MSI2: variants seen among roughly 807,000 people sequenced by gnomAD.
The protein encoded by MSI2 is RNA-binding protein Musashi homolog 2.
In MSI2, 17 loss-of-function variants were observed where a neutral mutation model predicts 45.6. That is an observed-to-expected ratio of 0.37 (90% CI 0.26 to 0.56). The LOEUF (loss-of-function observed/expected upper bound fraction) is 0.56. MSI2 is among the 20% of genes least tolerant of loss of function. The pLI is 0.77. For synonymous variants in MSI2, 156 were observed against 158.2 expected, an observed-to-expected ratio of 0.99 and a Z score of 0.11; for missense variants, 293 against 444.2, an observed-to-expected ratio of 0.66 and a Z score of 3.06.
chr17:57,665,591 T>G (rs1272611087), intron 11 of MSI2, among the ~76,000 whole-genome samples: 3 of 152,148 alleles, frequency 2.0e-5, no homozygotes, highest in African/African-American at 4.8e-5. Context: ...CTGGGATAAC[T>G]TCCCCACCCC....
chr17:57,308,783 C>A (rs554867317), intron 5 of MSI2, among the ~76,000 whole-genome samples: 1 of 152,268 alleles, frequency 6.6e-6, no homozygotes, highest in South Asian at 2.1e-4. Context: ...GAAGGTACAA[C>A]CCCCCTCATT....
chr17:57,599,546 ACTATGTC>A (rs1247311427), intron 8 of MSI2, among the ~76,000 whole-genome samples: 2 of 152,212 alleles, frequency 1.3e-5, no homozygotes, highest in Non-Finnish European at 2.9e-5. Flanking sequence ...GTGGAGGGTG[ACTATGTC>A]AGGTGCACGT....
At chr17:57,422,723 G>A (rs778230852) in intron 6 of MSI2, among the ~76,000 whole-genome samples, 4 of 152,216 alleles carry the variant, frequency 2.6e-5, no homozygotes, top group African/African-American at 4.8e-5. Context: ...GAGATGTGGC[G>A]CATTATATAA....
chr17:57,568,965 C>T (rs1414729813), intron 7 of MSI2, among the ~76,000 whole-genome samples: 3 of 152,142 alleles, frequency 2.0e-5, no homozygotes, highest in Non-Finnish European at 4.4e-5. Context: ...CCTGACCTAC[C>T]TTGGACTTGG....
intron 5 of MSI2, among the ~76,000 whole-genome samples, chr17:57,342,096 T>C (rs1220722538): frequency 6.6e-6 from 1 of 152,250 alleles, no homozygotes; most frequent in African/African-American, 2.4e-5. Flanking sequence ...TTGCATCTAC[T>C]GCCTTTGTCT....
At chr17:57,520,578 C>T (rs904827957) in intron 6 of MSI2, among the ~76,000 whole-genome samples, 1 of 152,170 alleles carries the variant, frequency 6.6e-6, no homozygotes, top group South Asian at 2.1e-4. Flanking sequence ...AACTGTAGAC[C>T]CCAAAAATGG....
At chr17:57,298,039 G>A (rs564020882) in intron 5 of MSI2, among the ~76,000 whole-genome samples, 1 of 149,808 alleles carries the variant, frequency 6.7e-6, no homozygotes, top group South Asian at 2.1e-4. Flanking sequence ...TGTTAATGCT[G>A]ATTTTTTTTT....
chr17:57,312,204 T>G (rs1246792200), intron 5 of MSI2, among the ~76,000 whole-genome samples: 1 of 152,236 alleles, frequency 6.6e-6, no homozygotes, highest in Admixed American at 6.5e-5. Flanking sequence ...TTGTATAGTT[T>G]CTTTTCGAGA....
At chr17:57,606,812 G>A (rs144393733) in intron 8 of MSI2, among the ~76,000 whole-genome samples, 69 of 152,196 alleles carry the variant, frequency 4.5e-4, no homozygotes, top group South Asian at 1.2e-3. Context: ...AGCTAGCATC[G>A]GGAAAGGCTT....
At chr17:57,304,217 C>G (rs184690525) in intron 5 of MSI2, among the ~76,000 whole-genome samples, 2 of 151,300 alleles carry the variant, frequency 1.3e-5, no homozygotes, top group African/African-American at 4.8e-5. Flanking sequence ...AATAGCTGGG[C>G]GTGGTGGCGT....
chr17:57,474,200 C>T (rs955532554), intron 6 of MSI2, among the ~76,000 whole-genome samples: 1 of 152,126 alleles, frequency 6.6e-6, no homozygotes, highest in African/African-American at 2.4e-5. Flanking sequence ...TCTAGATGTG[C>T]ACTGGTATTC....
chr17:57,295,714 A>G (rs1173208925), intron 5 of MSI2, among the ~76,000 whole-genome samples: 1 of 152,210 alleles, frequency 6.6e-6, no homozygotes. Flanking sequence ...GTTTCTGTAT[A>G]AACAGCTGTC....
chr17:57,445,262 G>A (rs1298452754), intron 6 of MSI2, among the ~76,000 whole-genome samples: 1 of 152,214 alleles, frequency 6.6e-6, no homozygotes, highest in Admixed American at 6.5e-5. Context: ...TGTGTCTGGA[G>A]ATGAAGTGTG....
At chr17:57,467,683 C>T (rs2085353064) in intron 6 of MSI2, among the ~76,000 whole-genome samples, 1 of 152,074 alleles carries the variant, frequency 6.6e-6, no homozygotes, top group Non-Finnish European at 1.5e-5. Context: ...GGGCCTGCCC[C>T]TAGAAGGTGG....
chr17:57,525,204 G>A (rs1291091464), intron 6 of MSI2, among the ~76,000 whole-genome samples: 1 of 152,204 alleles, frequency 6.6e-6, no homozygotes, highest in Non-Finnish European at 1.5e-5. Context: ...ACCTTCTGGT[G>A]TCAGGACAAA....
Position 57,681,124 on chromosome 17 carries a change from A to G in MSI2, c.*1607A>G. On this transcript the variant is annotated 3_prime_UTR_variant, in exon 14 of 14. Transcript: ENST00000284073. ...AAATAAAAAGTATAAACATCACTGCACTGTGACTGGTGGGAAAAACTGACA... is the reference window on the plus strand; with the variant it reads ...AAATAAAAAGTATAAACATCACTGCGCTGTGACTGGTGGGAAAAACTGACA... 1 of 187,098 alleles carries G rather than the reference A, an allele frequency of 5.3e-6. No individual in the cohort carries two copies. Among genetic ancestry groups the G allele is most frequent in the South Asian group, 2.0e-4 (1 of 5,118 alleles). The allele number at this position is 187,098 out of a possible 1,614,324, so 11.6% of individuals were successfully genotyped here.
At chr17:57,562,771 A>G (rs1174180103) in intron 7 of MSI2, among the ~76,000 whole-genome samples, 2 of 152,160 alleles carry the variant, frequency 1.3e-5, no homozygotes, top group Non-Finnish European at 2.9e-5. Context: ...TGGTGTGTGA[A>G]TTGCACACGG....
At chr17:57,297,032 A>G (rs1446234894) in intron 5 of MSI2, among the ~76,000 whole-genome samples, 3 of 152,004 alleles carry the variant, frequency 2.0e-5, no homozygotes, top group South Asian at 2.1e-4. Context: ...GCGCCACCAC[A>G]CCTGGCTAAT....
intron 5 of MSI2, among the ~76,000 whole-genome samples, chr17:57,391,856 T>TA (rs1432462610): frequency 6.6e-6 from 1 of 152,244 alleles, no homozygotes; most frequent in Non-Finnish European, 1.5e-5. Context: ...GAAGGTTTCT[T>TA]ACTTAATTTT....
Sources: allele counts gnomAD v4.1 joint callset (sites outside exome capture counted in the v4.1 genomes callset), GRCh38; gene constraint gnomAD v4.1.1; transcripts MANE v1.5; gene names NCBI Gene and HGNC (gene_info 2026-07-23, HGNC 2026-07-21).